Variants in NOS1 observed in about 807,000 individuals in gnomAD.
The protein encoded by NOS1 is nitric oxide synthase 1, also known as NOS type I.
Under a neutral mutation model 164.5 loss-of-function variants are expected in NOS1, and 51 were observed. The observed-to-expected ratio is 0.31, with a 90% confidence interval of 0.25 to 0.39. NOS1 has a LOEUF of 0.39. Ranked by LOEUF, NOS1 falls within the 10% of genes least tolerant of loss-of-function variation. NOS1 has a pLI of 1.00. For synonymous variants in NOS1, 719 were observed against 745.8 expected (o/e 0.96, Z 0.59); for missense variants, 1,362 against 1,885.6 (o/e 0.72, Z 5.14).
intron 13 of NOS1, among the ~76,000 whole-genome samples, chr12:117,261,723 C>T (rs9658416): frequency 4.6e-5 from 7 of 152,022 alleles, no homozygotes; most frequent in African/African-American, 1.4e-4. Flanking sequence ...GAGGCTGAGG[C>T]GGGAGGATCA....
rs763373196 is a variant in NOS1 at position 117,218,122 on chromosome 12, G to A, written c.4213C>T (p.Arg1405Ter). The A allele has an allele frequency of 1.2e-6, 2 of 1,614,062 alleles. No individual in the cohort carries two copies. Among genetic ancestry groups the A allele is most frequent in the Non-Finnish European group, 1.7e-6 (2 of 1,179,960 alleles). The change falls in exon 28 of 29, where the codon CGA (arginine) becomes TGA (stop). Residue 1405 changes from arginine to a stop codon, truncating the protein, a stop_gained. Coordinates refer to ENST00000317775, the MANE Select transcript of NOS1 (RefSeq NM_000620.5). LOFTEE classifies it high-confidence loss of function. ...AGGCGGTTGGTCACTTCGTACGTTC[G>A]CAGGGTGACTCCAAAAATATCCTCA... ...YHEDIFGVTL[R>*]TYEVTNRLRS...
chr12:117,277,414 G>A lies in NOS1; in HGVS notation c.1664+545C>T, dbSNP rs890868396. On this transcript the variant is annotated intron_variant, in intron 9 of 28. Coordinates refer to ENST00000317775, the MANE Select transcript of NOS1 (RefSeq NM_000620.5). ...AGCCTGGACAATATGGCAAAACCCC[G>A]TCTCTACTAAAAACACAAAAATTGG... Among the ~76,000 whole-genome samples, 7 of 151,382 alleles carry A rather than the reference G, an allele frequency of 4.6e-5. No homozygotes were observed. In the East Asian group the frequency reaches 7.9e-4, roughly 17 times the overall value.
At chr12:117,309,131 T>C (rs1874303931) in intron 3 of NOS1, among the ~76,000 whole-genome samples, 2 of 152,224 alleles carry the variant, frequency 1.3e-5, no homozygotes, top group African/African-American at 2.4e-5. Flanking sequence ...AAAGAAAATA[T>C]AGAAGAGCTT....
chr12:117,310,020 C>T (rs1337850155), intron 3 of NOS1, among the ~76,000 whole-genome samples: 3 of 152,192 alleles, frequency 2.0e-5, no homozygotes, highest in Non-Finnish European at 4.4e-5. Flanking sequence ...GATTCTCCCA[C>T]CTCGGTCTCC....
chr12:117,209,548 C>T lies in NOS1; in HGVS notation c.*5761G>A. The T allele has an allele frequency of 1.0e-6, 1 of 985,522 alleles. No individual in the cohort carries two copies. Among genetic ancestry groups the T allele is most frequent in the Non-Finnish European group, 1.2e-6 (1 of 829,972 alleles). The allele number at this position is 985,522 out of a possible 1,614,324, so 61.0% of individuals were successfully genotyped here. A position where few individuals can be genotyped will look rare whatever the true frequency, so the allele number is the denominator to read the frequency against. ...CCAGGGCCATCTCGTTAATAACGGA[C>T]TGTGTTTTGGGCCAGACGGGCATAG... On this transcript the variant is annotated 3_prime_UTR_variant, in exon 29 of 29. Transcript: ENST00000317775.
intron 17 of NOS1, among the ~76,000 whole-genome samples, chr12:117,249,932 C>T (rs1486137232): frequency 1.3e-5 from 2 of 152,172 alleles, no homozygotes; most frequent in Non-Finnish European, 2.9e-5. Flanking sequence ...TACACCCCAC[C>T]TTGCCCCACT....
chr12:117,299,635 CAAAAAAA>C (rs35293946), intron 3 of NOS1, among the ~76,000 whole-genome samples: 6 of 89,300 alleles, frequency 6.7e-5, no homozygotes, highest in African/African-American at 1.3e-4. Context: ...ACTTTGTCTC[CAAAAAAA>C]AAAAAAAGAA....
intron 20 of NOS1, among the ~76,000 whole-genome samples, chr12:117,238,663 C>A (rs529202708): frequency 9.2e-5 from 14 of 152,116 alleles, no homozygotes; most frequent in Non-Finnish European, 2.1e-4. Context: ...ATTACAGGCA[C>A]CTACCACCAC....
At chr12:117,265,623 G>A (rs2135987723) in intron 11 of NOS1, 113 bp from the exon 12 acceptor site, 1 of 674,564 alleles carries the variant, frequency 1.5e-6, no homozygotes. Flanking sequence ...ATGGTTTAGA[G>A]CAGCGTGAAG....
Position 117,213,114 on chromosome 12 carries a change from C to G in NOS1, c.*2195G>C, listed in dbSNP as rs952845649. On this transcript the variant is annotated 3_prime_UTR_variant, in exon 29 of 29. Coordinates refer to ENST00000317775, the MANE Select transcript of NOS1 (RefSeq NM_000620.5). ...AAGGAGGTGCCTGGCACCTTGTAAGCGCTTCTAAGTATTTATTCCCTGATG... is the reference window on the plus strand; with the variant it reads ...AAGGAGGTGCCTGGCACCTTGTAAGGGCTTCTAAGTATTTATTCCCTGATG... 2.0e-6 allele frequency: 2 copies of G among 985,332 alleles called. No individual in the cohort carries two copies. Among genetic ancestry groups the G allele is most frequent in the Non-Finnish European group, 2.4e-6 (2 of 829,950 alleles). The allele number at this position is 985,332 out of a possible 1,614,324, so 61.0% of individuals were successfully genotyped here.
intron 18 of NOS1, among the ~76,000 whole-genome samples, chr12:117,245,257 A>G (rs1286840582): frequency 6.6e-6 from 1 of 152,114 alleles, no homozygotes; most frequent in African/African-American, 2.4e-5. Context: ...TGGAGTGGGT[A>G]AAACTGGCAC....
chr12:117,318,633 G>A (rs1874772492), intron 2 of NOS1, among the ~76,000 whole-genome samples: 1 of 152,158 alleles, frequency 6.6e-6, no homozygotes, highest in African/African-American at 2.4e-5. Context: ...AGGGGTCCTG[G>A]GCTTGATTCC....
chr12:117,348,213 G>C lies in NOS1; in HGVS notation c.-421+13299C>G, dbSNP rs1876446278. On this transcript the variant is annotated intron_variant, in intron 1 of 28. Coordinates refer to ENST00000317775, the MANE Select transcript of NOS1 (RefSeq NM_000620.5). ...AATAACCCCTGAAATAAAAATCACA[G>C]AAGAGAACGGTGTCACCTTCAACAG... is the stretch of plus-strand genomic sequence containing the variant. 3 of 151,990 alleles carry C rather than the reference G, an allele frequency of 2.0e-5. No homozygotes were observed. In the South Asian group the frequency reaches 6.2e-4, roughly 32 times the overall value. 9.4% of individuals were successfully genotyped at this position (151,990 alleles called of 1,614,324 possible). A position where few individuals can be genotyped will look rare whatever the true frequency, so the allele number is the denominator to read the frequency against.
In NOS1 at chr12:117,217,158, T is replaced by TG. The variant is rs9658548; in HGVS notation, c.4289+887dup. ...GCAATTTCTAGAGGTTCAGTGAAAT[T>TG]GTCAAAATCATGTGAATTATAATTT... On this transcript the variant is annotated intron_variant, in intron 28 of 28. Transcript: ENST00000317775. Among the ~76,000 whole-genome samples the TG allele has an allele frequency of 4.9e-3, 752 of 152,186 alleles. 4 individuals are homozygous for TG. Among genetic ancestry groups the TG allele is most frequent in the African/African-American group, 0.017 (721 of 41,518 alleles).
intron 1 of NOS1, among the ~76,000 whole-genome samples, chr12:117,339,587 G>T (rs144123395): frequency 6.6e-6 from 1 of 152,110 alleles, no homozygotes; most frequent in Admixed American, 6.6e-5. Flanking sequence ...TTCTTTGCAG[G>T]GTTCTGAATA....
In NOS1 at chr12:117,213,546, C is replaced by A. The variant is rs1391224075; in HGVS notation, c.*1763G>T. Reference sequence around the variant, plus strand: ...CAAGGTGAGTCATAGATTGCCTTTTCACTTTAACAGTCTCCTGGCCTGGGC... The same window carrying A: ...CAAGGTGAGTCATAGATTGCCTTTTAACTTTAACAGTCTCCTGGCCTGGGC... On this transcript the variant is annotated 3_prime_UTR_variant, in exon 29 of 29. Transcript: ENST00000317775. 3.0e-6 allele frequency: 3 copies of A among 985,326 alleles called. No homozygotes were observed. The highest frequency in any genetic ancestry group is 3.6e-6 in the Non-Finnish European group (3 of 829,956). 61.0% of individuals were successfully genotyped at this position (985,326 alleles called of 1,614,324 possible).
At chr12:117,261,707 C>T (rs1222182405) in intron 13 of NOS1, among the ~76,000 whole-genome samples, 4 of 152,158 alleles carry the variant, frequency 2.6e-5, no homozygotes, top group African/African-American at 7.2e-5. Flanking sequence ...GATCCTGGCA[C>T]TTTGGGAGGC....
chr12:117,316,502 C>T (rs1874676984), intron 2 of NOS1, among the ~76,000 whole-genome samples: 1 of 152,222 alleles, frequency 6.6e-6, no homozygotes, highest in South Asian at 2.1e-4. Flanking sequence ...TGACGGCCCA[C>T]TTCATGTCCC....
intron 1 of NOS1, among the ~76,000 whole-genome samples, chr12:117,355,194 C>G (rs1306147995): frequency 3.3e-5 from 5 of 152,254 alleles, no homozygotes; most frequent in African/African-American, 1.2e-4. Flanking sequence ...CTCATCATTC[C>G]CAGGAAATCC....
Sources: gnomAD v4.1 joint callset for allele counts (sites outside exome capture counted in the v4.1 genomes callset) on GRCh38, gnomAD v4.1.1 for gene constraint, MANE v1.5 for transcripts, NCBI Gene and HGNC (gene_info 2026-07-23, HGNC 2026-07-21) for gene names.